Variants in FOXD4L1 observed in about 807,000 individuals in gnomAD.
FOXD4L1 encodes the protein forkhead box D4 like 1, also known as forkhead box protein D4-like 1.
In FOXD4L1, 10 loss-of-function variants were observed where a neutral mutation model predicts 24.8. The ratio of observed to expected loss-of-function variants is 0.40; its 90% CI spans 0.25 to 0.68. The LOEUF (loss-of-function observed/expected upper bound fraction) is 0.68, where lower values mean the gene tolerates loss of function less well. Among genes scored for constraint, FOXD4L1 ranks in the 30% least tolerant of loss-of-function variants. FOXD4L1 has a pLI of 0.37. For missense variants in FOXD4L1, 364 were observed against 572.4 expected, an observed-to-expected ratio of 0.64 and a Z score of 3.72; for synonymous variants, 159 against 256.4, an observed-to-expected ratio of 0.62 and a Z score of 3.63.
rs1682401089 is a variant in FOXD4L1 at position 113,499,642 on chromosome 2, C to T, written c.386C>T (p.Thr129Met). 6 of 1,612,096 alleles carry T rather than the reference C, an allele frequency of 3.7e-6. No individual in the cohort carries two copies. In the East Asian group the frequency reaches 1.1e-4, roughly 30 times the overall value. The change falls in exon 1 of 1, where the codon ACG becomes ATG. Residue 129 changes from threonine to methionine, a missense_variant. By Grantham distance (81) the Thr-to-Met change is moderately conservative (BLOSUM62 -1). Transcript: ENST00000306507. ...CTGCAAAGCCCGCACAAGCGCCTCA[C>T]GCTCAGCGGCATCTGCGCCTTCATT...
At chr2:113,498,942 C>T (rs868836636) in exon 1 of FOXD4L1, 67 of 569,012 alleles carry the variant, frequency 1.2e-4, no homozygotes, top group African/African-American at 1.2e-3. Flanking sequence ...GGCTTTTCTC[C>T]GGACGGTGTT....
chr2:113,499,505 A>G (rs770655664), exon 1 of FOXD4L1: 7 of 1,601,022 alleles, frequency 4.4e-6, no homozygotes, highest in East Asian at 2.3e-5. Context: ...GCGACCCCTC[A>G]GAGTTTGGCA....
At chr2:113,500,609 A>G in exon 1 of FOXD4L1, 1 of 1,462,518 alleles carries the variant, frequency 6.8e-7, no homozygotes, top group Non-Finnish European at 9.1e-7. Context: ...GTGGGGAGCG[A>G]TCCGCAGCTG....
chr2:113,499,408 T>C (rs769428612), exon 1 of FOXD4L1: 5 of 1,606,720 alleles, frequency 3.1e-6, no homozygotes, highest in Non-Finnish European at 4.2e-6. Context: ...CAGAAGTTCC[T>C]AGAGCAGTCG....
chr2:113,499,323 G>A lies in FOXD4L1; in HGVS notation c.67G>A (p.Glu23Lys), dbSNP rs537464156. ...GCGCAGCCTCCGGGACTCCGATGGG[G>A]AAGACGGTAAAATCGATGTCCTGGG... The change falls in exon 1 of 1, where the codon GAA becomes AAA. Residue 23 changes from glutamate (E) to lysine (K), a missense_variant. By Grantham distance (56) the Glu-to-Lys change is moderately conservative. Transcript: ENST00000306507. 19 of 1,610,646 alleles carry A rather than the reference G, an allele frequency of 1.2e-5. No individual in the cohort carries two copies. The South Asian group carries it at 1.8e-4, about 15-fold the overall frequency.
exon 1 of FOXD4L1, chr2:113,499,759 T>A: frequency 6.2e-7 from 1 of 1,600,054 alleles, no homozygotes; most frequent in Non-Finnish European, 8.5e-7. Flanking sequence ...TTCGTCAAGA[T>A]CCCCCGCGAG....
At chr2:113,499,884 C>T in exon 1 of FOXD4L1, 2 of 1,584,928 alleles carry the variant, frequency 1.3e-6, no homozygotes, top group Non-Finnish European at 8.6e-7. Flanking sequence ...CCAACTGACC[C>T]CGGGAGCCCA....
At chr2:113,499,460 G>C (rs1414711861) in exon 1 of FOXD4L1, 9 of 1,573,764 alleles carry the variant, frequency 5.7e-6, no homozygotes, top group Admixed American at 1.8e-5. Flanking sequence ...GCGGGGTTGC[G>C]CTTCCCCGAG....
chr2:113,499,338 G>T (rs1439807369), exon 1 of FOXD4L1: 1 of 1,610,570 alleles, frequency 6.2e-7, no homozygotes, highest in African/African-American at 1.3e-5. Context: ...CGGTAAAATC[G>T]ATGTCCTGGG....
exon 1 of FOXD4L1, chr2:113,498,986 G>C (rs530506026): frequency 1.6e-6 from 1 of 621,004 alleles, no homozygotes; most frequent in African/African-American, 1.9e-5. Flanking sequence ...GACTACGTTA[G>C]GAGGAAGTGG....
chr2:113,499,571 G>T, exon 1 of FOXD4L1: 1 of 1,609,454 alleles, frequency 6.2e-7, no homozygotes, highest in Non-Finnish European at 8.5e-7. Context: ...CCCGGCAGCC[G>T]GCAAAGCCCC....
exon 1 of FOXD4L1, chr2:113,499,314 T>C: frequency 6.2e-7 from 1 of 1,609,762 alleles, no homozygotes; most frequent in Non-Finnish European, 8.5e-7. Context: ...CCTCCGGGAC[T>C]CCGATGGGGA....
At chr2:113,499,667 T>C in exon 1 of FOXD4L1, 1 of 1,611,208 alleles carries the variant, frequency 6.2e-7, no homozygotes, top group South Asian at 1.1e-5. Context: ...GCGCCTTCAT[T>C]AGTGGCCGCT....
exon 1 of FOXD4L1, chr2:113,499,320 G>A: frequency 1.9e-6 from 3 of 1,610,382 alleles, no homozygotes; most frequent in Non-Finnish European, 2.5e-6. Flanking sequence ...GGACTCCGAT[G>A]GGGAAGACGG....
exon 1 of FOXD4L1, chr2:113,499,797 T>C: frequency 2.6e-6 from 4 of 1,536,526 alleles, no homozygotes; most frequent in Non-Finnish European, 8.8e-7. Context: ...GGGCACCTAC[T>C]GGAGCCTGGA....
At chr2:113,499,753 T>A (rs751203582) in exon 1 of FOXD4L1, 1 of 1,603,598 alleles carries the variant, frequency 6.2e-7, no homozygotes, top group Non-Finnish European at 8.5e-7. Context: ...GACTGCTTCG[T>A]CAAGATCCCC....
At chr2:113,499,824 A>C in exon 1 of FOXD4L1, 1 of 1,554,554 alleles carries the variant, frequency 6.4e-7, no homozygotes, top group Non-Finnish European at 8.8e-7. Flanking sequence ...CTCCCAGGAC[A>C]TGTTCGACAA....
chr2:113,499,037 A>T, exon 1 of FOXD4L1: 1 of 700,066 alleles, frequency 1.4e-6, no homozygotes, highest in Non-Finnish European at 2.4e-6. Context: ...TAAAGGGGGG[A>T]GTCCACCACA....
chr2:113,499,321 G>C (rs1682392640), exon 1 of FOXD4L1: 2 of 1,610,426 alleles, frequency 1.2e-6, no homozygotes, highest in African/African-American at 2.7e-5. Context: ...GACTCCGATG[G>C]GGAAGACGGT....
Sources: gnomAD v4.1 joint callset for allele counts on GRCh38, gnomAD v4.1.1 for gene constraint, MANE v1.5 for transcripts, NCBI Gene and HGNC (gene_info 2026-07-23, HGNC 2026-07-21) for gene names.